SARNP: variants seen among roughly 807,000 people sequenced by gnomAD.
The protein encoded by SARNP is SAP domain containing ribonucleoprotein.
In SARNP, 5 loss-of-function variants were observed where a neutral mutation model predicts 38.1. That is an observed-to-expected ratio of 0.13 (90% confidence interval 0.07 to 0.28). The LOEUF is 0.28. SARNP is among the 10% of genes least tolerant of loss of function. The pLI is 1.00. For synonymous variants in SARNP, 84 were observed against 80.6 expected, an observed-to-expected ratio of 1.04 and a Z score of -0.23; for missense variants, 180 against 243.9, an observed-to-expected ratio of 0.74 and a Z score of 1.75.
chr12:55,782,595 A>AT (rs1879372248), intron 9 of SARNP, among the ~76,000 whole-genome samples: 1 of 151,946 alleles, frequency 6.6e-6, no homozygotes, highest in African/African-American at 2.4e-5. Context: ...CTTTTTTAAA[A>AT]TTTTTTAGGG....
chr12:55,803,572 G>C, intron 2 of SARNP, 57 bp downstream of exon 2: 2 of 990,560 alleles, frequency 2.0e-6, no homozygotes, highest in Admixed American at 4.6e-5. Context: ...AATCTTTTCA[G>C]TGTCAAAGCC....
At chr12:55,816,170 G>A (rs1018722505) in intron 1 of SARNP, among the ~76,000 whole-genome samples, 2 of 152,154 alleles carry the variant, frequency 1.3e-5, no homozygotes, top group African/African-American at 4.8e-5. Flanking sequence ...GTAAGTCATC[G>A]GGCAGCTGGT....
At chr12:55,767,848 GAAAAAAA>G (rs767928003) in intron 9 of SARNP, among the ~76,000 whole-genome samples, 3 of 35,394 alleles carry the variant, frequency 8.5e-5, no homozygotes, top group East Asian at 7.9e-4. Context: ...CTCCCTCTCA[GAAAAAAA>G]AAAAAAAAAA....
rs116922072 is a variant in SARNP, at chr12:55,784,751, G to A, written c.501+4324C>T. On this transcript the variant is annotated intron_variant, in intron 9 of 10. Transcript: ENST00000336133. ...ATGGCTTTGTAAAATAAGTTTTACT[G>A]GACAGTGCTGGTGTAGACAGCAAAA... is the stretch of plus-strand genomic sequence containing the variant. Among the ~76,000 whole-genome samples, 99 of 152,320 alleles carry A rather than the reference G, an allele frequency of 6.5e-4. No individual in the cohort carries two copies. In the East Asian group the frequency reaches 0.018, roughly 28 times the overall value.
intron 9 of SARNP, among the ~76,000 whole-genome samples, chr12:55,763,308 C>CTTT (rs34618547): frequency 1.4e-5 from 2 of 146,098 alleles, no homozygotes; most frequent in African/African-American, 5.1e-5. Flanking sequence ...TCATTTACTA[C>CTTT]TTTTTTTTTT....
chr12:55,771,523 C>T (rs1261365073), intron 9 of SARNP, among the ~76,000 whole-genome samples: 1 of 152,090 alleles, frequency 6.6e-6, no homozygotes, highest in Non-Finnish European at 1.5e-5. Flanking sequence ...GTGTGAGAAG[C>T]AGAAATTCCA....
intron 9 of SARNP, among the ~76,000 whole-genome samples, chr12:55,777,292 T>C (rs576158986): frequency 2.0e-4 from 31 of 152,208 alleles, no homozygotes; most frequent in Middle Eastern, 3.4e-3. Context: ...ACAGTAAATA[T>C]AGGGCAAGGC....
chr12:55,811,844 T>C (rs1161071449), intron 1 of SARNP, among the ~76,000 whole-genome samples: 1 of 152,228 alleles, frequency 6.6e-6, no homozygotes, highest in East Asian at 1.9e-4. Flanking sequence ...CGGCAAAGTC[T>C]ATCAGCATTA....
rs145655925 is a variant in SARNP, at chr12:55,765,203, A to G, written c.502-4563T>C. ...GAGATAAGACTTTTGAAACCCAGACATTATATAAGCACAAACCCTGAGGCC... is the reference window on the plus strand; with the variant it reads ...GAGATAAGACTTTTGAAACCCAGACGTTATATAAGCACAAACCCTGAGGCC... On this transcript the variant is annotated intron_variant, in intron 9 of 10. Coordinates refer to ENST00000336133, the MANE Select transcript of SARNP (RefSeq NM_033082.4). 5.6e-4 allele frequency among the ~76,000 whole-genome samples: 86 copies of G among 152,360 alleles called. 1 individual carries two copies. In the East Asian group the frequency reaches 0.016, roughly 28 times the overall value.
chr12:55,806,690 C>T (rs932288905), intron 1 of SARNP, among the ~76,000 whole-genome samples: 7 of 152,282 alleles, frequency 4.6e-5, no homozygotes, highest in African/African-American at 1.4e-4. Flanking sequence ...CAGGCGCATG[C>T]CACCATGTCC....
chr12:55,770,351 G>GAGT (rs1878969883), intron 9 of SARNP, among the ~76,000 whole-genome samples: 2 of 149,974 alleles, frequency 1.3e-5, no homozygotes, highest in South Asian at 4.2e-4. Context: ...TCAGTCTCCC[G>GAGT]AGTAGCTGGG....
At chr12:55,776,992 A>T (rs1009246862) in intron 9 of SARNP, among the ~76,000 whole-genome samples, 1 of 152,216 alleles carries the variant, frequency 6.6e-6, no homozygotes, top group Admixed American at 6.5e-5. Context: ...GGCAAAGACG[A>T]GCAGGGGGCC....
intron 9 of SARNP, among the ~76,000 whole-genome samples, chr12:55,786,608 CCTGG>C: frequency 6.6e-6 from 1 of 152,142 alleles, no homozygotes; most frequent in Non-Finnish European, 1.5e-5. Context: ...TGCCACCGCG[CCTGG>C]CTAATTTTTT....
chr12:55,805,844 C>G (rs1880122359), intron 1 of SARNP, among the ~76,000 whole-genome samples: 1 of 151,172 alleles, frequency 6.6e-6, no homozygotes, highest in East Asian at 1.9e-4. Flanking sequence ...GAGACTGTCT[C>G]AAAAAAATAA....
chr12:55,808,977 TG>T, intron 1 of SARNP, among the ~76,000 whole-genome samples: 1 of 152,162 alleles, frequency 6.6e-6, no homozygotes, highest in East Asian at 1.9e-4. Flanking sequence ...AGGCTAGAGG[TG>T]GGCAGATCAC....
intron 1 of SARNP, among the ~76,000 whole-genome samples, chr12:55,808,975 G>T (rs991355439): frequency 6.6e-6 from 1 of 152,172 alleles, no homozygotes; most frequent in Non-Finnish European, 1.5e-5. Flanking sequence ...GGAGGCTAGA[G>T]GTGGGCAGAT....
intron 4 of SARNP, among the ~76,000 whole-genome samples, chr12:55,797,266 C>T (rs1378089608): frequency 6.6e-6 from 1 of 152,202 alleles, no homozygotes; most frequent in African/African-American, 2.4e-5. Context: ...TGAAGACAAG[C>T]AATGGGTGCC....
intron 4 of SARNP, among the ~76,000 whole-genome samples, 190 bp downstream of exon 4, chr12:55,800,372 A>C (rs776560783): frequency 2.0e-5 from 3 of 152,188 alleles, no homozygotes; most frequent in Non-Finnish European, 4.4e-5. Context: ...TACATAACTC[A>C]GAGACAATTT....
chr12:55,802,108 G>A (rs1189579325), intron 2 of SARNP, among the ~76,000 whole-genome samples: 1 of 152,026 alleles, frequency 6.6e-6, no homozygotes, highest in Non-Finnish European at 1.5e-5. Context: ...CAAAACTTAG[G>A]CCACTTGATA....
Sources: gnomAD v4.1 joint callset for allele counts (sites outside exome capture counted in the v4.1 genomes callset) on GRCh38, gnomAD v4.1.1 for gene constraint, MANE v1.5 for transcripts, NCBI Gene and HGNC (gene_info 2026-07-23, HGNC 2026-07-21) for gene names.